ZNF292: variants seen among roughly 807,000 people sequenced by gnomAD.
ZNF292 encodes 16 zinc-finger domain protein.
Under a neutral mutation model 217.9 loss-of-function variants are expected in ZNF292, and 26 were observed. The observed-to-expected ratio is 0.12, with a 90% CI of 0.09 to 0.17. The LOEUF (loss-of-function observed/expected upper bound fraction) is 0.17. Among genes scored for constraint, ZNF292 ranks in the 10% least tolerant of loss-of-function variants. The pLI, the probability that ZNF292 is intolerant of heterozygous loss-of-function variation, is 1.00. For missense variants in ZNF292, 2,904 were observed against 3,175.2 expected (o/e 0.91, Z 2.05); for synonymous variants, 1,257 against 1,124.1 (o/e 1.12, Z -2.37).
chr6:87,250,954 T>C (rs1396653994), intron 7 of ZNF292, among the ~76,000 whole-genome samples: 1 of 152,206 alleles, frequency 6.6e-6, no homozygotes, highest in African/African-American at 2.4e-5. Flanking sequence ...TGAGGGTACA[T>C]TGCTTAGTGC....
chr6:87,220,873 C>G (rs1328790729), intron 4 of ZNF292, among the ~76,000 whole-genome samples: 2 of 152,084 alleles, frequency 1.3e-5, no homozygotes, highest in Admixed American at 6.6e-5. Flanking sequence ...CAAACTAATA[C>G]AATACAGCTC....
intron 1 of ZNF292, among the ~76,000 whole-genome samples, chr6:87,168,306 A>G (rs1770981793): frequency 6.6e-6 from 1 of 152,190 alleles, no homozygotes; most frequent in African/African-American, 2.4e-5. Flanking sequence ...AAAAATGTTA[A>G]ATTTTATTAA....
In ZNF292 at chr6:87,261,944, A is replaced by AC. The variant is rs397697789; in HGVS notation, c.*144dup. 8.1e-6 allele frequency: 5 copies of AC among 617,870 alleles called. No individual in the cohort carries two copies. The Admixed American group carries it at 1.5e-4, about 18-fold the overall frequency. 38.3% of individuals were successfully genotyped at this position (617,870 alleles called of 1,614,324 possible). ...GCCAAAAACAAAAAAGAAAAAAAAAACATGACATTTGTCATGTAAAACTTT... is the reference window on the plus strand; with the variant it reads ...GCCAAAAACAAAAAAGAAAAAAAAAACCATGACATTTGTCATGTAAAACTTT... On this transcript the variant is annotated 3_prime_UTR_variant, in exon 8 of 8. Transcript: ENST00000369577.
rs879583787 is a variant in ZNF292 at position 87,262,071 on chromosome 6, ACTAAACAATTAT to A, written c.*273_*284del. 9.3e-5 allele frequency: 22 copies of A among 237,586 alleles called. No homozygotes were observed. The highest frequency in any genetic ancestry group is 1.5e-3 in the Middle Eastern group (1 of 674). The allele number at this position is 237,586 out of a possible 1,614,324, so 14.7% of individuals were successfully genotyped here. ...TATCACCCAGTTGCCCTTTTCATGA[ACTAAACAATTAT>A]CTGTGTGATTGGTATGTTTCACCAG... On this transcript the variant is annotated 3_prime_UTR_variant, in exon 8 of 8. Transcript: ENST00000369577.
At chr6:87,219,288 GA>G (rs1279433374) in intron 4 of ZNF292, among the ~76,000 whole-genome samples, 2 of 152,014 alleles carry the variant, frequency 1.3e-5, no homozygotes, top group Non-Finnish European at 2.9e-5. Flanking sequence ...AGACCCTGAA[GA>G]AAAGTACAGT....
At chr6:87,204,784 G>A (rs1252790898) in intron 1 of ZNF292, among the ~76,000 whole-genome samples, 1 of 151,686 alleles carries the variant, frequency 6.6e-6, no homozygotes, top group African/African-American at 2.4e-5. Context: ...GGCTGGTCTC[G>A]AACACCTGAC....
intron 1 of ZNF292, among the ~76,000 whole-genome samples, chr6:87,160,381 CTG>C (rs551437852): frequency 5.8e-4 from 89 of 152,210 alleles, no homozygotes; most frequent in African/African-American, 2.0e-3. Context: ...TTGATTGTAA[CTG>C]TTATTGACCA....
At chr6:87,247,293 G>GCACGTGCA (rs146272412) in intron 7 of ZNF292, among the ~76,000 whole-genome samples, 3 of 149,056 alleles carry the variant, frequency 2.0e-5, no homozygotes, top group Admixed American at 2.0e-4. Flanking sequence ...GCGCACGCAC[G>GCACGTGCA]TGCATGCATG....
At chr6:87,180,871 T>C (rs1419475318) in intron 1 of ZNF292, among the ~76,000 whole-genome samples, 1 of 152,214 alleles carries the variant, frequency 6.6e-6, no homozygotes, top group Admixed American at 6.5e-5. Flanking sequence ...ATTTTCCTAT[T>C]ACAATTAATA....
In ZNF292 at chr6:87,254,849, A is replaced by C; in HGVS notation, c.1220A>C (p.Glu407Ala). 6.2e-7 allele frequency: 1 copy of C among 1,613,852 alleles called. No homozygotes were observed. Among genetic ancestry groups the C allele is most frequent in the Non-Finnish European group, 8.5e-7 (1 of 1,179,808 alleles). ...EPTVDAYYAV[E>A]MLYNQPDQKY... ...ACAGTAGATGCGTATTATGCTGTGG[A>C]AATGTTGTATAATCAGCCAGACCAG... Residue 407 changes from glutamate (E) to alanine (A), a missense_variant, in exon 8 of 8, where the codon GAA becomes GCA. Glu to Ala is a moderately radical substitution (Grantham distance 107). Around this residue, in one of 15 missense-constraint regions of ZNF292, gnomAD observed 313 missense variants for 451.0 expected, o/e 0.69. Transcript: ENST00000369577.
intron 1 of ZNF292, among the ~76,000 whole-genome samples, chr6:87,206,893 T>A (rs1020637931): frequency 2.0e-5 from 3 of 152,170 alleles, no homozygotes; most frequent in African/African-American, 7.2e-5. Flanking sequence ...ACATAGGTAG[T>A]TTACCTTGAA....
chr6:87,205,954 A>G lies in ZNF292; in HGVS notation c.169-9949A>G, dbSNP rs181137527. ...CTTAGTAGCATTTAATGTAAGCATT[A>G]TCGCTCACTCATCTGAGGTCTGGCT... On this transcript the variant is annotated intron_variant, in intron 1 of 7. Coordinates refer to ENST00000369577, the MANE Select transcript of ZNF292 (RefSeq NM_015021.3). 4.6e-3 allele frequency among the ~76,000 whole-genome samples: 706 copies of G among 152,336 alleles called. 5 individuals are homozygous for G. Among genetic ancestry groups the G allele is most frequent in the South Asian group, 0.015 (73 of 4,828 alleles).
In ZNF292 at chr6:87,255,772, C is replaced by T. The variant is rs1775178533; in HGVS notation, c.2143C>T (p.Leu715Phe). The change falls in exon 8 of 8, where the codon CTT becomes TTT. Residue 715 changes from leucine to phenylalanine, a missense_variant. Around this residue, in one of 15 missense-constraint regions of ZNF292, gnomAD observed 216 missense variants for 308.3 expected, o/e 0.70. Coordinates refer to ENST00000369577, the MANE Select transcript of ZNF292 (RefSeq NM_015021.3). ...AGATAATGAAGACGCCAAGCGCTTT[C>T]TTGAAATGCAGAGCAAAAAAGTTAT... is the stretch of plus-strand genomic sequence containing the variant. ...HKDNEDAKRF[L>F]EMQSKKVICQ... 6.2e-7 allele frequency: 1 copy of T among 1,613,714 alleles called. No homozygotes were observed. The highest frequency in any genetic ancestry group is 1.3e-5 in the African/African-American group (1 of 74,916).
At chr6:87,210,834 T>C (rs1772450833) in intron 1 of ZNF292, among the ~76,000 whole-genome samples, 1 of 152,036 alleles carries the variant, frequency 6.6e-6, no homozygotes, top group Non-Finnish European at 1.5e-5. Flanking sequence ...CCACAGAGCC[T>C]GTGTCTGATC....
chr6:87,189,464 TGTTCCAG>T (rs1771765353), intron 1 of ZNF292, among the ~76,000 whole-genome samples: 1 of 152,066 alleles, frequency 6.6e-6, no homozygotes, highest in Non-Finnish European at 1.5e-5. Context: ...TTTTTTTTTC[TGTTCCAG>T]AATCCCATCT....
intron 7 of ZNF292, among the ~76,000 whole-genome samples, chr6:87,253,063 T>A (rs1775011897): frequency 6.6e-6 from 1 of 151,152 alleles, no homozygotes. Context: ...CATGCCACCA[T>A]GCCCAGCTAA....
In ZNF292 at chr6:87,216,108, GACACACACACACACACAC is replaced by G. The variant is rs57115253; in HGVS notation, c.323+83_323+100del. On this transcript the variant is annotated intron_variant, in intron 2 of 7. Transcript: ENST00000369577. ...CTAGATTTAGCTTTAAAAATACATA[GACACACACACACACACAC>G]ACACACACACACACACACACACACA... The G allele has an allele frequency of 1.0e-3, 532 of 516,056 alleles. 1 individual carries two copies. The highest frequency in any genetic ancestry group is 7.6e-3 in the African/African-American group (256 of 33,526). The allele number at this position is 516,056 out of a possible 1,614,324, so 32.0% of individuals were successfully genotyped here.
intron 1 of ZNF292, among the ~76,000 whole-genome samples, chr6:87,193,706 T>G (rs145517458): frequency 1.4e-4 from 21 of 152,310 alleles, no homozygotes; most frequent in South Asian, 2.1e-4. Flanking sequence ...GTGCACAACC[T>G]TTGTTTCATG....
At chr6:87,202,493 T>C (rs939505392) in intron 1 of ZNF292, among the ~76,000 whole-genome samples, 1 of 152,222 alleles carries the variant, frequency 6.6e-6, no homozygotes, top group Non-Finnish European at 1.5e-5. Flanking sequence ...TTACTGCTTT[T>C]ATTTCTTTTT....
Sources: allele counts gnomAD v4.1 joint callset (sites outside exome capture counted in the v4.1 genomes callset), GRCh38; gene constraint gnomAD v4.1.1; regional missense constraint gnomAD v4.1.1; transcripts MANE v1.5; gene names NCBI Gene and HGNC (gene_info 2026-07-23, HGNC 2026-07-21).